ANKRD45: variants seen among roughly 807,000 people sequenced by gnomAD.
The protein encoded by ANKRD45 is ankyrin repeat domain 45.
Under a neutral mutation model 28.1 loss-of-function variants are expected in ANKRD45, and 21 were observed. The ratio of observed to expected loss-of-function variants is 0.75; its 90% CI spans 0.53 to 1.08. ANKRD45 has a LOEUF of 1.08. ANKRD45 is among the 50% of genes least tolerant of loss of function. The probability of loss-of-function intolerance (pLI) is 0.00; values close to 1 mark genes in which losing one functional copy is unlikely to be tolerated. For synonymous variants in ANKRD45, 86 were observed against 103.9 expected (o/e 0.83, Z 1.05); for missense variants, 261 against 308.7 (o/e 0.85, Z 1.16).
chr1:173,635,532 A>C (rs1024513336), intron 3 of ANKRD45: 19 of 1,522,582 alleles, frequency 1.2e-5, no homozygotes, highest in Middle Eastern at 1.7e-4. Flanking sequence ...ATGTCTAATC[A>C]AAGACTACCG....
At chr1:173,682,684 TAC>T in the ANKRD45 span, among the ~76,000 whole-genome samples, 26,476 of 143,584 alleles carry the variant, frequency 0.18, 2,480 homozygotes, top group South Asian at 0.32. Context: ...GCCTTTTAAA[TAC>T]ACACACACAC....
Position 173,659,160 on chromosome 1 carries a change from C to A in ANKRD45, c.259G>T (p.Ala87Ser). 1.2e-6 allele frequency: 2 copies of A among 1,614,154 alleles called. No individual in the cohort carries two copies. Among genetic ancestry groups the A allele is most frequent in the Non-Finnish European group, 1.7e-6 (2 of 1,180,012 alleles). ...GCTCTAATCACGTCACTTTGCCCAG[C>A]CATGCAAGCTGCATACAACAAATTT... ...GRNLLYAACM[A>S]GQSDVIRALA... The change falls in exon 2 of 6, where the codon GCT (alanine) becomes TCT (serine). Residue 87 changes from alanine (A) to serine (S), a missense_variant. By Grantham distance (99) the Ala-to-Ser change is moderately conservative. Transcript: ENST00000333279.
Position 173,667,179 on chromosome 1 carries a change from A to T in ANKRD45, c.-16+2638T>A, listed in dbSNP as rs575747942. On this transcript the variant is annotated intron_variant, in intron 1 of 5. Coordinates refer to ENST00000333279, the MANE Select transcript of ANKRD45 (RefSeq NM_198493.3). ...ATATTACAGCATGAAACATGTTAAC[A>T]TTTGGAAAACTGGTATAACTAAATG... 1.2e-4 allele frequency among the ~76,000 whole-genome samples: 19 copies of T among 152,340 alleles called. No individual in the cohort carries two copies. The South Asian group carries it at 3.9e-3, about 32-fold the overall frequency.
chr1:173,658,871 C>T (rs1003607077), intron 2 of ANKRD45: 5 of 615,214 alleles, frequency 8.1e-6, no homozygotes, highest in South Asian at 7.0e-5. Context: ...CCAAGTCACA[C>T]AGCTAATAAA....
intron 5 of ANKRD45, among the ~76,000 whole-genome samples, chr1:173,611,715 G>A (rs894042745): frequency 1.3e-5 from 2 of 152,046 alleles, no homozygotes; most frequent in Non-Finnish European, 2.9e-5. Context: ...AAATCTTGGT[G>A]ACCTTGGATT....
intron 2 of ANKRD45, among the ~76,000 whole-genome samples, chr1:173,652,457 A>G (rs1301656278): frequency 6.6e-6 from 1 of 152,204 alleles, no homozygotes; most frequent in Non-Finnish European, 1.5e-5. Context: ...CAACTTGATC[A>G]TGGTGGATAA....
At chr1:173,628,202 C>T (rs1326168660) in intron 3 of ANKRD45, among the ~76,000 whole-genome samples, 1 of 150,828 alleles carries the variant, frequency 6.6e-6, no homozygotes, top group Non-Finnish European at 1.5e-5. Context: ...AGAACATTCC[C>T]CAGCTGTAGG....
At chr1:173,683,693 A>C in the ANKRD45 span, among the ~76,000 whole-genome samples, 2 of 152,200 alleles carry the variant, frequency 1.3e-5, no homozygotes, top group Non-Finnish European at 1.5e-5. Context: ...CAGTTAATTT[A>C]GAAAGTTTAT....
chr1:173,703,280 T>A, the ANKRD45 span, among the ~76,000 whole-genome samples: 1 of 151,456 alleles, frequency 6.6e-6, no homozygotes, highest in Non-Finnish European at 1.5e-5. Flanking sequence ...CTCGGGTCAC[T>A]GCAAGCTCCA....
intron 2 of ANKRD45, chr1:173,657,248 C>T (rs1054304797): frequency 9.2e-6 from 2 of 218,148 alleles, no homozygotes; most frequent in Non-Finnish European, 2.0e-5. Flanking sequence ...AGGTGGATCA[C>T]CTGGGGTCAG....
chr1:173,686,816 G>C, the ANKRD45 span, among the ~76,000 whole-genome samples: 1 of 152,084 alleles, frequency 6.6e-6, no homozygotes, highest in Admixed American at 6.5e-5. Context: ...TACCAGATAA[G>C]CTAAATTTCA....
chr1:173,650,555 T>C (rs1408492043), intron 2 of ANKRD45, among the ~76,000 whole-genome samples: 1 of 152,218 alleles, frequency 6.6e-6, no homozygotes, highest in Non-Finnish European at 1.5e-5. Flanking sequence ...AGTGCCGCAA[T>C]AAACATACGT....
At chr1:173,687,823 A>T in the ANKRD45 span, among the ~76,000 whole-genome samples, 1 of 151,936 alleles carries the variant, frequency 6.6e-6, no homozygotes, top group Non-Finnish European at 1.5e-5. Flanking sequence ...CTGAATACCG[A>T]TTGTGTCTTC....
At chr1:173,614,747 A>C (rs919456365) in intron 5 of ANKRD45, among the ~76,000 whole-genome samples, 30 of 152,112 alleles carry the variant, frequency 2.0e-4, no homozygotes, top group African/African-American at 7.2e-4. Flanking sequence ...ACCATAAACA[A>C]GGGTCCTTTT....
the ANKRD45 span, among the ~76,000 whole-genome samples, chr1:173,690,225 G>A: frequency 3.3e-5 from 5 of 152,100 alleles, no homozygotes; most frequent in East Asian, 7.7e-4. Context: ...GGTTGGGAGG[G>A]AACAGGCTGG....
At chr1:173,671,179 C>T (rs1053142536), upstream of ANKRD45, among the ~76,000 whole-genome samples, 2 of 152,086 alleles carry the variant, frequency 1.3e-5, no homozygotes, top group African/African-American at 4.8e-5. Flanking sequence ...ACCCCACCCC[C>T]TATTTTTTTT....
At chr1:173,710,444 A>G in the ANKRD45 span, among the ~76,000 whole-genome samples, 10 of 152,166 alleles carry the variant, frequency 6.6e-5, no homozygotes, top group Non-Finnish European at 1.3e-4. Context: ...AGCATTTTAT[A>G]TGCTGGCATG....
the ANKRD45 span, among the ~76,000 whole-genome samples, chr1:173,713,139 T>G: frequency 2.0e-5 from 3 of 152,234 alleles, no homozygotes; most frequent in African/African-American, 7.2e-5. Context: ...TATGTATATA[T>G]ATCACATATA....
Position 173,624,051 on chromosome 1 carries a change from G to A in ANKRD45, c.730+736C>T, listed in dbSNP as rs988335790. Among the ~76,000 whole-genome samples the A allele has an allele frequency of 2.6e-5, 4 of 152,008 alleles. No homozygotes were observed. In the East Asian group the frequency reaches 5.8e-4, roughly 22 times the overall value. ...TGAGCAGCAAACCACCATGGCACAC[G>A]TTTACCTATGTAACAAACCAGCACA... On this transcript the variant is annotated intron_variant, in intron 5 of 5. Transcript: ENST00000333279.
Sources: allele counts gnomAD v4.1 joint callset (sites outside exome capture counted in the v4.1 genomes callset), GRCh38; gene constraint gnomAD v4.1.1; transcripts MANE v1.5; gene names NCBI Gene and HGNC (gene_info 2026-07-23, HGNC 2026-07-21).